The following PRR5L variants were observed in gnomAD, a reference collection of about 807,000 sequenced individuals.
The protein encoded by PRR5L is proline-rich protein 5-like.
A neutral mutation model predicts 36.4 loss-of-function variants in PRR5L; 21 were observed. The observed-to-expected ratio is 0.58, with a 90% CI of 0.41 to 0.83. The LOEUF is 0.83. PRR5L is among the 40% of genes least tolerant of loss of function. PRR5L has a pLI of 0.00. For missense variants in PRR5L, 381 were observed against 473.3 expected (o/e 0.80, Z 1.81); for synonymous variants, 188 against 197.0 (o/e 0.95, Z 0.38).
At chr11:36,461,475 T>G (rs1859178200) in intron 8 of PRR5L, among the ~76,000 whole-genome samples, 1 of 151,928 alleles carries the variant, frequency 6.6e-6, no homozygotes, top group African/African-American at 2.4e-5. Context: ...ATACAAAAAT[T>G]AGCTGGGCAT....
chr11:36,453,748 G>A (rs542358880), intron 8 of PRR5L, among the ~76,000 whole-genome samples: 60 of 152,262 alleles, frequency 3.9e-4, no homozygotes, highest in African/African-American at 1.3e-3. Context: ...CAGGGGCCAC[G>A]GGTCCCAGGG....
intron 1 of PRR5L, among the ~76,000 whole-genome samples, chr11:36,301,325 G>A (rs1353365568): frequency 6.6e-6 from 1 of 152,066 alleles, no homozygotes; most frequent in African/African-American, 2.4e-5. Flanking sequence ...TCTTTTAGAG[G>A]GAACTCTGAG....
chr11:36,391,024 AGAAGCTTCC>A (rs71854214), intron 1 of PRR5L, among the ~76,000 whole-genome samples: 101,310 of 151,574 alleles, frequency 0.67, 34,001 homozygotes, highest in Non-Finnish European at 0.7. Context: ...TTCTGACTGC[AGAAGCTTCC>A]GAGGGTTGTG....
At chr11:36,349,350 T>TA (rs34284577) in intron 1 of PRR5L, among the ~76,000 whole-genome samples, 3 of 150,534 alleles carry the variant, frequency 2.0e-5, no homozygotes, top group Non-Finnish European at 4.4e-5. Context: ...AAATTAAAGT[T>TA]AAAAAAAAAT....
chr11:36,369,326 A>G (rs1565421228), intron 1 of PRR5L, among the ~76,000 whole-genome samples: 2 of 152,146 alleles, frequency 1.3e-5, no homozygotes, highest in African/African-American at 4.8e-5. Flanking sequence ...GAGACCAGTT[A>G]TCTTATATAG....
At chr11:36,354,504 A>G (rs1419917938) in intron 1 of PRR5L, among the ~76,000 whole-genome samples, 2 of 152,208 alleles carry the variant, frequency 1.3e-5, no homozygotes, top group Non-Finnish European at 2.9e-5. Flanking sequence ...GTTATTTCCT[A>G]TATGCACAGA....
At chr11:36,316,838 C>G (rs1037339628) in intron 1 of PRR5L, among the ~76,000 whole-genome samples, 5 of 152,102 alleles carry the variant, frequency 3.3e-5, no homozygotes, top group Admixed American at 2.6e-4. Flanking sequence ...AGAAGGGGGT[C>G]TTTTTGGGAA....
intron 1 of PRR5L, among the ~76,000 whole-genome samples, chr11:36,390,495 T>C (rs1227850758): frequency 6.6e-6 from 1 of 152,182 alleles, no homozygotes; most frequent in Non-Finnish European, 1.5e-5. Context: ...TGGGTTCTAG[T>C]TCCAGCATCG....
Position 36,430,247 on chromosome 11 carries a change from C to CA in PRR5L, c.295-1600dup, listed in dbSNP as rs543921616. Reference sequence around the variant, plus strand: ...CAACATGGTGAAACCCCGTCTCTACCAAAAAAGTACAAAAATTAGCTGGGC... The same window carrying CA: ...CAACATGGTGAAACCCCGTCTCTACCAAAAAAAGTACAAAAATTAGCTGGGC... On this transcript the variant is annotated intron_variant, in intron 4 of 8. Coordinates refer to ENST00000530639, the MANE Select transcript of PRR5L (RefSeq NM_001160167.2). Among the ~76,000 whole-genome samples, 4 of 151,974 alleles carry CA rather than the reference C, an allele frequency of 2.6e-5. No homozygotes were observed. In the South Asian group the frequency reaches 8.3e-4, roughly 32 times the overall value.
At chr11:36,447,261 A>T (rs1858849554) in intron 7 of PRR5L, among the ~76,000 whole-genome samples, 1 of 152,222 alleles carries the variant, frequency 6.6e-6, no homozygotes, top group African/African-American at 2.4e-5. Context: ...AAACCTAGTA[A>T]GTTTGTGTGC....
At chr11:36,303,596 C>G (rs1161579128) in intron 1 of PRR5L, among the ~76,000 whole-genome samples, 1 of 152,154 alleles carries the variant, frequency 6.6e-6, no homozygotes, top group Non-Finnish European at 1.5e-5. Context: ...TTTATCCTGA[C>G]TTGACTGGAA....
At chr11:36,441,444 C>T (rs950866841) in intron 6 of PRR5L, among the ~76,000 whole-genome samples, 1 of 152,220 alleles carries the variant, frequency 6.6e-6, no homozygotes, top group African/African-American at 2.4e-5. Context: ...CCATGTTCCA[C>T]ATCCAGGACA....
intron 2 of PRR5L, among the ~76,000 whole-genome samples, chr11:36,402,792 C>G (rs1895839): frequency 0.23 from 34,503 of 152,008 alleles, 5,671 homozygotes; most frequent in African/African-American, 0.48. Context: ...ACACCTCACA[C>G]GAGTGGACAT....
intron 4 of PRR5L, among the ~76,000 whole-genome samples, chr11:36,423,950 G>A (rs1004254026): frequency 3.3e-5 from 5 of 152,204 alleles, no homozygotes; most frequent in African/African-American, 9.7e-5. Flanking sequence ...TGGGCTACTC[G>A]CTGTGGGGCT....
At chr11:36,370,683 C>T (rs557654350) in intron 1 of PRR5L, among the ~76,000 whole-genome samples, 60 of 152,118 alleles carry the variant, frequency 3.9e-4, no homozygotes, top group Non-Finnish European at 6.9e-4. Context: ...AGTTTGAGAC[C>T]AGCCTGGCCA....
intron 1 of PRR5L, among the ~76,000 whole-genome samples, chr11:36,302,301 A>C (rs1025142863): frequency 1.3e-4 from 20 of 152,326 alleles, no homozygotes; most frequent in African/African-American, 4.6e-4. Flanking sequence ...TACTAGGCAG[A>C]GAGGGAACAG....
chr11:36,408,260 G>C (rs1857950846), intron 3 of PRR5L, among the ~76,000 whole-genome samples: 1 of 151,024 alleles, frequency 6.6e-6, no homozygotes, highest in Admixed American at 6.6e-5. Context: ...CCAGCCTGGG[G>C]GACAGAGAGA....
intron 1 of PRR5L, among the ~76,000 whole-genome samples, chr11:36,395,546 A>G (rs1857641453): frequency 6.6e-6 from 1 of 152,214 alleles, no homozygotes; most frequent in Non-Finnish European, 1.5e-5. Flanking sequence ...GAGCTGCTCT[A>G]TGCTAAGTGG....
intron 7 of PRR5L, among the ~76,000 whole-genome samples, chr11:36,450,154 G>A (rs1858914395): frequency 6.6e-6 from 1 of 152,134 alleles, no homozygotes; most frequent in Non-Finnish European, 1.5e-5. Context: ...ATCTCCCCCT[G>A]GGATTGCCAA....
Sources: gnomAD v4.1 joint callset for allele counts (sites outside exome capture counted in the v4.1 genomes callset) on GRCh38, gnomAD v4.1.1 for gene constraint, MANE v1.5 for transcripts, NCBI Gene and HGNC (gene_info 2026-07-23, HGNC 2026-07-21) for gene names.